The following ITPKC variants were observed in gnomAD, a reference collection of about 807,000 sequenced individuals.
The protein encoded by ITPKC is inositol-trisphosphate 3-kinase C.
A neutral mutation model predicts 67.1 loss-of-function variants in ITPKC; 33 were observed. The observed-to-expected ratio is 0.49, with a 90% CI of 0.37 to 0.66. The LOEUF is 0.66. Ranked by LOEUF, ITPKC falls within the 30% of genes least tolerant of loss-of-function variation. The pLI is 0.00. For missense variants in ITPKC, 820 were observed against 892.1 expected (o/e 0.92, Z 1.03); for synonymous variants, 341 against 359.8 (o/e 0.95, Z 0.59).
At chr19:40,724,307 T>G (rs1416930164) in intron 1 of ITPKC, among the ~76,000 whole-genome samples, 1 of 152,178 alleles carries the variant, frequency 6.6e-6, no homozygotes, top group Non-Finnish European at 1.5e-5. Context: ...GGAGCATCGC[T>G]TGAGTCCAGG....
At chr19:40,734,702 G>A (rs775194650) in intron 4 of ITPKC, among the ~76,000 whole-genome samples, 2 of 150,994 alleles carry the variant, frequency 1.3e-5, no homozygotes, top group Non-Finnish European at 2.9e-5. Flanking sequence ...TCCACCTCTT[G>A]GGTTCAAGCG....
intron 2 of ITPKC, among the ~76,000 whole-genome samples, chr19:40,728,129 G>T (rs2082254607): frequency 3.9e-5 from 6 of 152,188 alleles, no homozygotes; most frequent in Admixed American, 3.9e-4. Context: ...CAGCACTTTG[G>T]GAGGCTGAGA....
At chr19:40,739,260 G>A (rs1191249612) in intron 6 of ITPKC, 97 bp from the exon 7 acceptor site, 2 of 847,632 alleles carry the variant, frequency 2.4e-6, no homozygotes, top group Non-Finnish European at 3.7e-6. Flanking sequence ...CCAGGCTCCA[G>A]GGTTCATGCT....
At chr19:40,725,472 G>T in intron 2 of ITPKC, 33 bp downstream of exon 2, 1 of 1,400,066 alleles carries the variant, frequency 7.1e-7, no homozygotes. Flanking sequence ...GAGCTGGGCA[G>T]AGTCTCCTGG....
At chr19:40,732,852 T>C (rs1044736655) in intron 3 of ITPKC, among the ~76,000 whole-genome samples, 1 of 152,246 alleles carries the variant, frequency 6.6e-6, no homozygotes, top group African/African-American at 2.4e-5. Context: ...AGCTTTCATA[T>C]TTAGACCTAC....
chr19:40,732,089 G>T (rs1193542165), intron 3 of ITPKC, among the ~76,000 whole-genome samples: 2 of 151,830 alleles, frequency 1.3e-5, no homozygotes, highest in Admixed American at 1.3e-4. Context: ...ATACAAAAAT[G>T]TGCCAGGTGT....
intron 3 of ITPKC, among the ~76,000 whole-genome samples, chr19:40,731,302 C>T (rs909711672): frequency 6.6e-6 from 1 of 152,168 alleles, no homozygotes; most frequent in Non-Finnish European, 1.5e-5. Context: ...TGAACTGTGC[C>T]TGCAAGGGAT....
At chr19:40,731,004 GGCC>G (rs201077957) in intron 3 of ITPKC, among the ~76,000 whole-genome samples, 7,771 of 152,220 alleles carry the variant, frequency 0.051, 227 homozygotes, top group East Asian at 0.18. Context: ...CATAAGTTCA[GGCC>G]TTCGAAACTT....
rs764332951 is a variant in ITPKC at position 40,725,436 on chromosome 19, G to A, written c.1252G>A (p.Ala418Thr). The change falls in exon 2 of 7, where the codon GCT becomes ACT. Residue 418 changes from alanine (A) to threonine (T), a missense_variant. By Grantham distance (58) the Ala-to-Thr change is moderately conservative. This residue lies in a region of ITPKC where 339 missense variants were observed against 422.0 expected (regional missense o/e 0.80). Coordinates refer to ENST00000263370, the MANE Select transcript of ITPKC (RefSeq NM_025194.3). ...CCCTTGGGTCCAGCTTTCTGGACAT[G>A]CTGGTAAGTGGGGTGGTGGTGGACA... ...HYPWVQLSGH[A>T]GNFQAGEDGR... 4 of 1,597,802 alleles carry A rather than the reference G, an allele frequency of 2.5e-6. No individual in the cohort carries two copies. Among genetic ancestry groups the A allele is most frequent in the East Asian group, 2.2e-5 (1 of 44,822 alleles).
At chr19:40,720,503 A>T (rs898066047) in intron 1 of ITPKC, among the ~76,000 whole-genome samples, 1 of 152,080 alleles carries the variant, frequency 6.6e-6, no homozygotes, top group East Asian at 1.9e-4. Flanking sequence ...CCCATCGTTT[A>T]AACCCTCCAG....
intron 3 of ITPKC, among the ~76,000 whole-genome samples, chr19:40,732,399 G>A (rs187498616): frequency 1.0e-4 from 15 of 148,640 alleles, no homozygotes; most frequent in African/African-American, 1.2e-4. Context: ...GTGTGGTGGC[G>A]GGCACCTGTA....
In ITPKC at chr19:40,740,719, C is replaced by T. The variant is rs1296; in HGVS notation, c.*1159C>T. On this transcript the variant is annotated 3_prime_UTR_variant, in exon 7 of 7. Coordinates refer to ENST00000263370, the MANE Select transcript of ITPKC (RefSeq NM_025194.3). ...TCTTCCAGGGCTGAGGAGATGCTCT[C>T]CTTTTCTACTGACCATCTTGATACT... 1.2e-4 allele frequency: 43 copies of T among 367,598 alleles called. No homozygotes were observed. In the East Asian group the frequency reaches 1.4e-3, roughly 12 times the overall value. 22.8% of individuals were successfully genotyped at this position (367,598 alleles called of 1,614,324 possible).
At position 40,739,395 on chromosome 19, in the gene ITPKC, C is replaced by T. The variant is rs376988971; in HGVS notation, c.1887C>T (p.Thr629=). 22 of 1,613,660 alleles carry T rather than the reference C, an allele frequency of 1.4e-5. No individual in the cohort carries two copies. The highest frequency in any genetic ancestry group is 1.6e-4 in the Middle Eastern group (1 of 6,084). Residue 629 remains threonine (T), a synonymous_variant, in exon 7 of 7, where the codon ACC becomes ACT. Transcript: ENST00000263370. ...CCCTCCTCTTCGTGCACGACCACAC[C>T]GGCCTGGCCAAGGTCTGGATGATAG... The part of the protein sequence containing the change: ...GSSLLFVHDH[T]GLAKVWMIDF...
intron 1 of ITPKC, among the ~76,000 whole-genome samples, chr19:40,722,578 A>G (rs1046941053): frequency 1.3e-5 from 2 of 152,044 alleles, no homozygotes; most frequent in African/African-American, 4.8e-5. Flanking sequence ...GGGATGAGCC[A>G]TACAGTTTCC....
chr19:40,719,844 G>C (rs1414577550), intron 1 of ITPKC, among the ~76,000 whole-genome samples: 1 of 152,052 alleles, frequency 6.6e-6, no homozygotes, highest in East Asian at 1.9e-4. Flanking sequence ...GAGGCACAGA[G>C]AATTCAAGTC....
rs950807470 is a variant in ITPKC, at chr19:40,740,815, C to G, written c.*1255C>G. 1 of 395,718 alleles carries G rather than the reference C, an allele frequency of 2.5e-6. No homozygotes were observed. Among genetic ancestry groups the G allele is most frequent in the Admixed American group, 4.4e-5 (1 of 22,644 alleles). The allele number at this position is 395,718 out of a possible 1,614,324, so 24.5% of individuals were successfully genotyped here. On this transcript the variant is annotated 3_prime_UTR_variant, in exon 7 of 7. Transcript: ENST00000263370. The stretch of plus-strand genomic sequence containing the variant: ...AGGAGGCAGAATGGCTCTGCTGAGC[C>G]TCCTACCCATGACAACACCCCAATA...
At chr19:40,722,378 G>T (rs1018999116) in intron 1 of ITPKC, among the ~76,000 whole-genome samples, 1 of 152,156 alleles carries the variant, frequency 6.6e-6, no homozygotes, top group African/African-American at 2.4e-5. Context: ...GAATGTTCCA[G>T]GTACTTAGTA....
In ITPKC at chr19:40,717,800, C is replaced by G. The variant is rs767825014; in HGVS notation, c.665C>G (p.Ser222Cys). The change falls in exon 1 of 7, where the codon TCC becomes TGC. Residue 222 changes from serine to cysteine, a missense_variant. This residue lies in a region of ITPKC where 481 missense variants were observed against 470.1 expected (regional missense o/e 1.02). Transcript: ENST00000263370. ...TCAAAAGAGCCAAGTGCTGATGGCT[C>G]CTGGAAAGAATTGTATACTGATGGC... ...CPSKEPSADG[S>C]WKELYTDGSR... The G allele has an allele frequency of 2.0e-5, 32 of 1,613,900 alleles. No homozygotes were observed. Among genetic ancestry groups the G allele is most frequent in the Non-Finnish European group, 2.6e-5 (31 of 1,180,008 alleles).
At chr19:40,739,289 C>A in intron 6 of ITPKC, 68 bp from the exon 7 acceptor site, 1 of 1,193,656 alleles carries the variant, frequency 8.4e-7, no homozygotes, top group African/African-American at 1.5e-5. Flanking sequence ...CCCTGCTCTG[C>A]TGCCTGTCAG....
Sources: allele counts gnomAD v4.1 joint callset (sites outside exome capture counted in the v4.1 genomes callset), GRCh38; gene constraint gnomAD v4.1.1; regional missense constraint gnomAD v4.1.1; transcripts MANE v1.5; gene names NCBI Gene and HGNC (gene_info 2026-07-23, HGNC 2026-07-21).